The following FRMD5 variants were observed in gnomAD, a reference collection of about 807,000 sequenced individuals.
FRMD5 encodes the protein FERM domain containing 5.
FRMD5 carries 20 observed loss-of-function variants against 69.0 expected under a neutral mutation model. That is an observed-to-expected ratio of 0.29 (90% CI 0.20 to 0.42). The LOEUF (loss-of-function observed/expected upper bound fraction) is 0.42. Among genes scored for constraint, FRMD5 ranks in the 10% least tolerant of loss-of-function variants. The pLI, the probability that FRMD5 is intolerant of heterozygous loss-of-function variation, is 1.00. For synonymous variants in FRMD5, 271 were observed against 260.1 expected, an observed-to-expected ratio of 1.04 and a Z score of -0.40; for missense variants, 595 against 708.6, an observed-to-expected ratio of 0.84 and a Z score of 1.82.
chr15:43,991,687 A>G (rs530398346), intron 1 of FRMD5, among the ~76,000 whole-genome samples: 21 of 152,326 alleles, frequency 1.4e-4, no homozygotes, highest in African/African-American at 5.1e-4. Flanking sequence ...CAAAAAATCC[A>G]CAATCTCGTC....
chr15:44,096,913 G>C (rs1350765542), intron 1 of FRMD5, among the ~76,000 whole-genome samples: 2 of 152,074 alleles, frequency 1.3e-5, no homozygotes, highest in Non-Finnish European at 2.9e-5. Context: ...CAGGGATGAT[G>C]GTGAGTGACC....
intron 1 of FRMD5, among the ~76,000 whole-genome samples, chr15:43,972,039 A>G (rs1044072460): frequency 2.0e-5 from 3 of 147,638 alleles, no homozygotes; most frequent in Non-Finnish European, 4.5e-5. Context: ...CTATTAAAAA[A>G]ATATATATTT....
chr15:44,088,338 C>T (rs187784599), intron 1 of FRMD5, among the ~76,000 whole-genome samples: 123 of 152,224 alleles, frequency 8.1e-4, no homozygotes, highest in African/African-American at 2.8e-3. Flanking sequence ...CTCTAAGCAA[C>T]CCCTAATCTA....
chr15:43,939,704 T>C (rs908723858), intron 1 of FRMD5, among the ~76,000 whole-genome samples: 1 of 152,126 alleles, frequency 6.6e-6, no homozygotes, highest in Admixed American at 6.5e-5. Context: ...ACTACAGGTA[T>C]GTGCCAACAG....
intron 1 of FRMD5, among the ~76,000 whole-genome samples, chr15:44,152,220 A>G (rs2077458610): frequency 6.6e-6 from 1 of 152,132 alleles, no homozygotes; most frequent in African/African-American, 2.4e-5. Context: ...AAACAAAACA[A>G]AACTATATTT....
chr15:43,914,349 T>C (rs1425382607), intron 4 of FRMD5, among the ~76,000 whole-genome samples: 2 of 152,212 alleles, frequency 1.3e-5, no homozygotes. Flanking sequence ...TTTTCCTGAC[T>C]ATAATTATGT....
chr15:43,913,865 G>C (rs2089333804), intron 4 of FRMD5, among the ~76,000 whole-genome samples: 1 of 152,242 alleles, frequency 6.6e-6, no homozygotes, highest in South Asian at 2.1e-4. Context: ...AAGTCAGGAG[G>C]ACCCTTTGTT....
intron 1 of FRMD5, among the ~76,000 whole-genome samples, chr15:44,086,799 T>C (rs896916734): frequency 3.3e-5 from 5 of 152,158 alleles, no homozygotes; most frequent in Admixed American, 1.3e-4. Context: ...GTAGGACTGA[T>C]AGGGGTGAGG....
chr15:43,899,560 G>A (rs547812191), intron 7 of FRMD5, among the ~76,000 whole-genome samples: 1 of 152,286 alleles, frequency 6.6e-6, no homozygotes, highest in South Asian at 2.1e-4. Context: ...TACCTCCCAG[G>A]GCTGGTGTGA....
At chr15:44,156,923 CA>C (rs923815791) in intron 1 of FRMD5, among the ~76,000 whole-genome samples, 25 of 152,040 alleles carry the variant, frequency 1.6e-4, no homozygotes, top group African/African-American at 5.8e-4. Context: ...TATAAAAATG[CA>C]AAAATAAACT....
intron 1 of FRMD5, among the ~76,000 whole-genome samples, chr15:44,106,084 T>A (rs2076714360): frequency 6.6e-6 from 1 of 152,206 alleles, no homozygotes; most frequent in Non-Finnish European, 1.5e-5. Context: ...TCCTAAACAT[T>A]TTCCATCCAC....
intron 1 of FRMD5, among the ~76,000 whole-genome samples, chr15:43,944,649 G>T (rs946217621): frequency 6.6e-6 from 1 of 152,100 alleles, no homozygotes; most frequent in African/African-American, 2.4e-5. Flanking sequence ...GAGTGCAGTA[G>T]CATGATCTTG....
At chr15:43,946,049 T>C (rs557222002) in intron 1 of FRMD5, among the ~76,000 whole-genome samples, 52 of 151,168 alleles carry the variant, frequency 3.4e-4, no homozygotes, top group Non-Finnish European at 4.4e-4. Flanking sequence ...AGCGAGACTC[T>C]GTCTCAAAAA....
intron 7 of FRMD5, among the ~76,000 whole-genome samples, chr15:43,898,099 T>C (rs2088958380): frequency 6.6e-6 from 1 of 152,226 alleles, no homozygotes; most frequent in African/African-American, 2.4e-5. Context: ...AGACAGATGA[T>C]ATCAATAATC....
chr15:43,963,241 G>A (rs1298291628), intron 1 of FRMD5, among the ~76,000 whole-genome samples: 2 of 152,144 alleles, frequency 1.3e-5, no homozygotes, highest in Non-Finnish European at 2.9e-5. Context: ...CAAAAAGTGG[G>A]CAAAGGATAT....
intron 1 of FRMD5, among the ~76,000 whole-genome samples, chr15:43,943,034 G>A (rs2140491473): frequency 6.6e-6 from 1 of 152,290 alleles, no homozygotes; most frequent in African/African-American, 2.4e-5. Flanking sequence ...CTGAGGTCGG[G>A]AGTTCAAGAC....
intron 1 of FRMD5, among the ~76,000 whole-genome samples, chr15:44,170,351 C>T (rs1396989858): frequency 3.3e-5 from 5 of 152,076 alleles, no homozygotes; most frequent in Non-Finnish European, 7.3e-5. Flanking sequence ...GGTGAAACCA[C>T]GTCTCTACTA....
At chr15:43,937,725 A>C (rs1441169908) in intron 1 of FRMD5, among the ~76,000 whole-genome samples, 1 of 151,434 alleles carries the variant, frequency 6.6e-6, no homozygotes, top group Non-Finnish European at 1.5e-5. Context: ...GCAGAGGGAG[A>C]AGCTGAGCTG....
intron 1 of FRMD5, among the ~76,000 whole-genome samples, chr15:44,063,156 G>C (rs986052693): frequency 1.3e-5 from 2 of 152,108 alleles, no homozygotes; most frequent in African/African-American, 4.8e-5. Flanking sequence ...GGAAGAGTTT[G>C]TATAGAACTA....
Sources: allele counts gnomAD v4.1 joint callset (sites outside exome capture counted in the v4.1 genomes callset), GRCh38; gene constraint gnomAD v4.1.1; transcripts MANE v1.5; gene names NCBI Gene and HGNC (gene_info 2026-07-23, HGNC 2026-07-21).